Variants in ELAVL2 observed in about 807,000 individuals in gnomAD.
ELAVL2 encodes ELAV-like protein 2.
Under a neutral mutation model 34.6 loss-of-function variants are expected in ELAVL2, and 4 were observed. The ratio of observed to expected loss-of-function variants is 0.12; its 90% confidence interval spans 0.06 to 0.26. The LOEUF (loss-of-function observed/expected upper bound fraction) is 0.26. Among genes scored for constraint, ELAVL2 ranks in the 10% least tolerant of loss-of-function variants. The probability of loss-of-function intolerance (pLI) is 1.00; values close to 1 mark genes in which losing one functional copy is unlikely to be tolerated. For missense variants in ELAVL2, 432 were observed against 442.8 expected (o/e 0.98, Z 0.22); for synonymous variants, 193 against 154.8 (o/e 1.25, Z -1.83).
upstream of ELAVL2, among the ~76,000 whole-genome samples, chr9:23,829,106 A>G (rs1045034201): frequency 2.0e-5 from 3 of 152,366 alleles, no homozygotes; most frequent in Admixed American, 6.5e-5. Context: ...AATATGATTA[A>G]GTTATATGAA....
At chr9:23,838,383 C>A in the ELAVL2 span, among the ~76,000 whole-genome samples, 2 of 152,106 alleles carry the variant, frequency 1.3e-5, no homozygotes, top group East Asian at 1.9e-4. Context: ...TGGTAAGGAC[C>A]AGTGACCTCT....
chr9:23,754,674 G>T (rs2135727090), intron 2 of ELAVL2, among the ~76,000 whole-genome samples: 1 of 152,172 alleles, frequency 6.6e-6, no homozygotes, highest in Non-Finnish European at 1.5e-5. Context: ...GTTGGCCATG[G>T]TTGGTCTTGA....
the ELAVL2 span, among the ~76,000 whole-genome samples, chr9:23,835,124 T>C: frequency 6.6e-6 from 1 of 152,224 alleles, no homozygotes; most frequent in South Asian, 2.1e-4. Context: ...ATTATGGCTA[T>C]TGTTACTTTA....
intron 2 of ELAVL2, among the ~76,000 whole-genome samples, chr9:23,739,548 C>A (rs1229091714): frequency 6.6e-6 from 1 of 152,004 alleles, no homozygotes; most frequent in Non-Finnish European, 1.5e-5. Context: ...CGCCCCTACC[C>A]CCACCCCCAC....
chr9:23,809,246 G>A (rs1415963514), intron 1 of ELAVL2, among the ~76,000 whole-genome samples: 1 of 152,010 alleles, frequency 6.6e-6, no homozygotes, highest in Non-Finnish European at 1.5e-5. Flanking sequence ...ATTTTCTCAC[G>A]TTTACACCAG....
At chr9:23,693,184 G>T (rs2033801724) in intron 6 of ELAVL2, among the ~76,000 whole-genome samples, 1 of 152,176 alleles carries the variant, frequency 6.6e-6, no homozygotes, top group Admixed American at 6.5e-5. Flanking sequence ...ATTGGCAGGG[G>T]AAGGGATCAA....
At chr9:23,826,278 G>C (rs1405224615), upstream of ELAVL2, 1 of 152,322 alleles carries the variant, frequency 6.6e-6, no homozygotes. Context: ...TTATAGCACC[G>C]TATCACCAAC....
At chr9:23,708,670 TCTCA>T (rs1242485758) in intron 3 of ELAVL2, among the ~76,000 whole-genome samples, 5 of 152,194 alleles carry the variant, frequency 3.3e-5, no homozygotes. Flanking sequence ...TGAGACGGAG[TCTCA>T]CTCTGTTGCT....
intron 1 of ELAVL2, among the ~76,000 whole-genome samples, chr9:23,806,497 T>C (rs903531333): frequency 2.2e-4 from 34 of 152,092 alleles, no homozygotes; most frequent in African/African-American, 7.7e-4. Context: ...ATTAGCCAGT[T>C]GCAGTAAAGC....
chr9:23,730,662 G>A (rs536261579), intron 3 of ELAVL2, among the ~76,000 whole-genome samples: 1 of 152,142 alleles, frequency 6.6e-6, no homozygotes, highest in South Asian at 2.1e-4. Flanking sequence ...AGAATGCATG[G>A]CTCGCAAAAC....
intron 3 of ELAVL2, among the ~76,000 whole-genome samples, chr9:23,718,531 T>C (rs1050195275): frequency 9.2e-5 from 14 of 152,288 alleles, no homozygotes; most frequent in South Asian, 8.3e-4. Context: ...AGATTGCTTA[T>C]GGCATTTAAC....
intron 4 of ELAVL2, among the ~76,000 whole-genome samples, chr9:23,703,691 A>G (rs191831755): frequency 2.8e-4 from 43 of 152,322 alleles, no homozygotes; most frequent in African/African-American, 9.9e-4. Context: ...TCACTGCTTT[A>G]AAAGAATTAG....
chr9:23,765,084 A>G, intron 1 of ELAVL2: 1 of 1,603,744 alleles, frequency 6.2e-7, no homozygotes, highest in Non-Finnish European at 8.5e-7. Context: ...CTGCCATGTT[A>G]GTTTGGAGTT....
chr9:23,704,817 G>T, intron 4 of ELAVL2, 101 bp downstream of exon 4: 1 of 1,452,474 alleles, frequency 6.9e-7, no homozygotes, highest in Non-Finnish European at 9.4e-7. Context: ...ATATACCTTT[G>T]ATATGTTCTA....
rs1373732838 is a variant in ELAVL2 at position 23,795,731 on chromosome 9, AT to A, written c.-16+30074del. Among the ~76,000 whole-genome samples the A allele has an allele frequency of 5.3e-5, 8 of 152,338 alleles. No homozygotes were observed. In the East Asian group the frequency reaches 1.5e-3, roughly 29 times the overall value. On this transcript the variant is annotated intron_variant, in intron 1 of 6. Coordinates refer to ENST00000397312, the MANE Select transcript of ELAVL2 (RefSeq NM_004432.5). ...GGAATTTAAAATCTCAAGATTCCACATATTTAAGAACGAATATTCCTTTGTT... is the reference window on the plus strand; with the variant it reads ...GGAATTTAAAATCTCAAGATTCCACAATTTAAGAACGAATATTCCTTTGTT...
intron 3 of ELAVL2, among the ~76,000 whole-genome samples, chr9:23,729,518 G>C (rs1346067674): frequency 6.6e-6 from 1 of 152,072 alleles, no homozygotes; most frequent in African/African-American, 2.4e-5. Flanking sequence ...AGAAAAAGCA[G>C]TTCAGACTGA....
At chr9:23,772,289 T>C (rs1365940252) in intron 1 of ELAVL2, among the ~76,000 whole-genome samples, 2 of 152,086 alleles carry the variant, frequency 1.3e-5, no homozygotes, top group African/African-American at 2.4e-5. Context: ...CTCTGTTGGA[T>C]ACAGACACTA....
chr9:23,693,553 C>G, intron 5 of ELAVL2, 67 bp from the exon 6 acceptor site: 1 of 1,557,910 alleles, frequency 6.4e-7, no homozygotes, highest in Non-Finnish European at 8.9e-7. Flanking sequence ...GAAAGTTGGG[C>G]TCATTACTGC....
intron 1 of ELAVL2, among the ~76,000 whole-genome samples, chr9:23,766,639 A>C (rs999804667): frequency 3.9e-5 from 6 of 152,016 alleles, no homozygotes; most frequent in Admixed American, 6.6e-5. Context: ...GTGTATGGAA[A>C]ATGATTCTAC....
Sources: gnomAD v4.1 joint callset for allele counts (sites outside exome capture counted in the v4.1 genomes callset) on GRCh38, gnomAD v4.1.1 for gene constraint, MANE v1.5 for transcripts, NCBI Gene and HGNC (gene_info 2026-07-23, HGNC 2026-07-21) for gene names.